The following COPB2 variants were observed in gnomAD, a reference collection of about 807,000 sequenced individuals.
COPB2 encodes the protein coatomer subunit beta'.
Under a neutral mutation model 120.8 loss-of-function variants are expected in COPB2, and 16 were observed. That is an observed-to-expected ratio of 0.13 (90% CI 0.09 to 0.20). The LOEUF is 0.20. COPB2 is among the 10% of genes least tolerant of loss of function. The pLI is 1.00. For synonymous variants in COPB2, 332 were observed against 366.3 expected (o/e 0.91, Z 1.07); for missense variants, 794 against 1,076.5 (o/e 0.74, Z 3.67).
At chr3:139,389,424 A>C in intron 1 of COPB2, 124 bp downstream of exon 1, 1 of 1,339,116 alleles carries the variant, frequency 7.5e-7, no homozygotes, top group South Asian at 2.1e-5. Flanking sequence ...AGACCCCGCA[A>C]GGCCTGAGGC....
chr3:139,389,325 A>C, intron 1 of COPB2: 1 of 599,908 alleles, frequency 1.7e-6, no homozygotes, highest in Non-Finnish European at 2.4e-6. Context: ...CAGGGGAGAC[A>C]AAACCCCTCA....
chr3:139,369,352 A>C lies in COPB2; in HGVS notation c.1310T>G (p.Phe437Cys), dbSNP rs1229424885. 2 of 1,613,654 alleles carry C rather than the reference A, an allele frequency of 1.2e-6. No homozygotes were observed. Among genetic ancestry groups the C allele is most frequent in the Non-Finnish European group, 1.7e-6 (2 of 1,179,740 alleles). Residue 437 changes from phenylalanine to cysteine, a missense_variant, in exon 12 of 22, where the codon TTC becomes TGC. Physicochemically the swap from Phe to Cys is radical, Grantham distance 205. Transcript: ENST00000333188. ...ATTTACAGATCTGACTCCCAATAAG[A>C]AGCCGCCGTAGATACCTAAAGGGAA... ...DFGAESIYGGFLLGVRSVNGL... is the reference protein window; with the variant it reads ...DFGAESIYGGCLLGVRSVNGL...
At chr3:139,372,568 C>A (rs762615086) in intron 9 of COPB2, among the ~76,000 whole-genome samples, 10 of 152,130 alleles carry the variant, frequency 6.6e-5, no homozygotes, top group Non-Finnish European at 1.5e-4. Flanking sequence ...ATACCATTTA[C>A]TGAACTAGGC....
At chr3:139,381,881 A>G (rs1424126840) in intron 2 of COPB2, 2 of 142,732 alleles carry the variant, frequency 1.4e-5, no homozygotes, top group Non-Finnish European at 1.5e-5. Context: ...AATATTTTAA[A>G]CATCTCAAGA....
At chr3:139,377,985 T>C (rs1159497160) in intron 5 of COPB2, 56 bp downstream of exon 5, 3 of 1,419,152 alleles carry the variant, frequency 2.1e-6, no homozygotes, top group Non-Finnish European at 2.8e-6. Context: ...GTAAAACACC[T>C]AAGGCAAGTA....
At chr3:139,388,405 T>TC (rs1553778999) in intron 1 of COPB2, 1 of 140,430 alleles carries the variant, frequency 7.1e-6, no homozygotes, top group African/African-American at 2.6e-5. Context: ...CCATGGATTG[T>TC]GGGGGGGGGT....
intron 15 of COPB2, 115 bp downstream of exon 15, chr3:139,366,453 C>G (rs1338866585): frequency 1.3e-5 from 12 of 930,410 alleles, no homozygotes; most frequent in Non-Finnish European, 1.8e-5. Context: ...AGGAGAAATT[C>G]TATTGCCACA....
Position 139,359,255 on chromosome 3 carries a change from A to T in COPB2, c.2303+15T>A. ...TTTATTGGAAACATTTCTTCCTAAA[A>T]TTAAAAGTCTGTACCTTGAAACCTG... On this transcript the variant is annotated intron_variant, in intron 18 of 21. Coordinates refer to ENST00000333188, the MANE Select transcript of COPB2 (RefSeq NM_004766.3). 1 of 1,613,338 alleles carries T rather than the reference A, an allele frequency of 6.2e-7. No individual in the cohort carries two copies. Among genetic ancestry groups the T allele is most frequent in the Non-Finnish European group, 8.5e-7 (1 of 1,179,664 alleles).
At chr3:139,366,837 C>T (rs1445248169) in intron 14 of COPB2, 62 bp from the exon 15 acceptor site, 17 of 1,545,500 alleles carry the variant, frequency 1.1e-5, no homozygotes, top group Middle Eastern at 3.7e-4. Flanking sequence ...ACACACACCC[C>T]GCCAATCTCC....
At chr3:139,387,899 C>G (rs1020365784) in intron 1 of COPB2, among the ~76,000 whole-genome samples, 1 of 152,176 alleles carries the variant, frequency 6.6e-6, no homozygotes, top group African/African-American at 2.4e-5. Flanking sequence ...ACAGTAACCA[C>G]TTCACAAACA....
chr3:139,366,638 A>G lies in COPB2; in HGVS notation c.1814T>C (p.Met605Thr). Reference sequence around the variant, plus strand: ...AATGGTAGGAAGGACCTTATCAGCCATGCTAAAGTCCCTCCGCATGACAGC... The same window carrying G: ...AATGGTAGGAAGGACCTTATCAGCCGTGCTAAAGTCCCTCCGCATGACAGC... The part of the protein sequence containing the change: ...QTAVMRRDFS[M>T]ADKVLPTIPK... Residue 605 changes from methionine (M) to threonine (T), a missense_variant, in exon 15 of 22, where the codon ATG becomes ACG. Transcript: ENST00000333188. 1 of 1,614,112 alleles carries G rather than the reference A, an allele frequency of 6.2e-7. No homozygotes were observed. Among genetic ancestry groups the G allele is most frequent in the East Asian group, 2.2e-5 (1 of 44,884 alleles).
Position 139,373,697 on chromosome 3 carries a change from A to G in COPB2, c.863T>C (p.Leu288Ser), listed in dbSNP as rs1288525913. 2 of 1,614,154 alleles carry G rather than the reference A, an allele frequency of 1.2e-6. No individual in the cohort carries two copies. The highest frequency in any genetic ancestry group is 1.1e-5 in the South Asian group (1 of 91,086). Residue 288 changes from leucine to serine, a missense_variant, in exon 8 of 22, where the codon TTG becomes TCG. Physicochemically the swap from Leu to Ser is moderately radical, Grantham distance 145. Transcript: ENST00000333188. ...AATGATGCTCCCTTCATCATAGCCCAAAGCGACATTGTTTGACCCTCTTAG... is the reference window on the plus strand; with the variant it reads ...AATGATGCTCCCTTCATCATAGCCCGAAGCGACATTGTTTGACCCTCTTAG... ...ASLRGSNNVALGYDEGSIIVK... is the reference protein window; with the variant it reads ...ASLRGSNNVASGYDEGSIIVK...
At chr3:139,375,678 C>A in intron 5 of COPB2, 64 bp from the exon 6 acceptor site, 1 of 1,524,964 alleles carries the variant, frequency 6.6e-7, no homozygotes, top group Non-Finnish European at 8.9e-7. Flanking sequence ...GCAAATCCAC[C>A]ATATTTCTGA....
intron 1 of COPB2, among the ~76,000 whole-genome samples, chr3:139,387,768 G>A (rs142616010): frequency 4.6e-5 from 7 of 152,094 alleles, no homozygotes; most frequent in African/African-American, 1.4e-4. Context: ...TGCAATAGTG[G>A]GCAAATTTAC....
Position 139,361,204 on chromosome 3 carries a change from T to C in COPB2, c.2087A>G (p.Tyr696Cys). ...AQECLHHAQD[Y>C]GGLLLLATAS... is the part of the protein sequence containing the mutation. ...AGTGGCCAAAAGCAGCAGGCCCCCA[T>C]AATCCTGTGCATGATGCAGGCACTC... Residue 696 changes from tyrosine to cysteine, a missense_variant, in exon 17 of 22, where the codon TAT (tyrosine) becomes TGT (cysteine). Tyr to Cys is a radical substitution (Grantham distance 194). Coordinates refer to ENST00000333188, the MANE Select transcript of COPB2 (RefSeq NM_004766.3). The C allele has an allele frequency of 1.2e-6, 2 of 1,614,226 alleles. No homozygotes were observed. Among genetic ancestry groups the C allele is most frequent in the Non-Finnish European group, 1.7e-6 (2 of 1,180,046 alleles).
At chr3:139,362,229 T>C (rs1011053569) in intron 16 of COPB2, among the ~76,000 whole-genome samples, 178 bp downstream of exon 16, 2 of 152,210 alleles carry the variant, frequency 1.3e-5, no homozygotes, top group Non-Finnish European at 2.9e-5. Flanking sequence ...TCAATTTAAC[T>C]TATGCAAAGT....
At position 139,383,362 on chromosome 3, in the gene COPB2, G is replaced by A; in HGVS notation, c.77C>T (p.Thr26Ile). ...DRVKSVDLHP[T>I]EPWMLASLYN... ...AAGACTTGCCAACATCCATGGCTCT[G>A]TAGGATGCAGATCCACACTCTTAAC... The change falls in exon 2 of 22, where the codon ACA becomes ATA. Residue 26 changes from threonine to isoleucine, a missense_variant. Physicochemically the swap from Thr to Ile is moderately conservative, Grantham distance 89. Transcript: ENST00000333188. 1 of 1,613,144 alleles carries A rather than the reference G, an allele frequency of 6.2e-7. No homozygotes were observed. Among genetic ancestry groups the A allele is most frequent in the Non-Finnish European group, 8.5e-7 (1 of 1,179,652 alleles).
intron 7 of COPB2, chr3:139,374,220 T>A: frequency 2.2e-6 from 1 of 460,506 alleles, no homozygotes; most frequent in Non-Finnish European, 3.9e-6. Context: ...CCAAAGCACA[T>A]GCTTTTTCAG....
rs777472833 is a variant in COPB2 at position 139,374,586 on chromosome 3, A to G, written c.654T>C (p.Asn218=). 1 of 1,611,736 alleles carries G rather than the reference A, an allele frequency of 6.2e-7. No individual in the cohort carries two copies. The highest frequency in any genetic ancestry group is 8.5e-7 in the Non-Finnish European group (1 of 1,178,722). ...CTTCCAGTGTCTGCACACATGTTTT[A>G]TTCTGTAATTAAGACATAGAAAACA... ...DRLVKIWDYQ[N]KTCVQTLEGH... The change falls in exon 7 of 22, where the codon AAT becomes AAC. Residue 218 remains asparagine (N), a splice_region_variant and synonymous_variant. Coordinates refer to ENST00000333188, the MANE Select transcript of COPB2 (RefSeq NM_004766.3).
Sources: allele counts gnomAD v4.1 joint callset (sites outside exome capture counted in the v4.1 genomes callset), GRCh38; gene constraint gnomAD v4.1.1; transcripts MANE v1.5; gene names NCBI Gene and HGNC (gene_info 2026-07-23, HGNC 2026-07-21).